The following SLC25A32 variants were observed in gnomAD, a reference collection of about 807,000 sequenced individuals.
The protein encoded by SLC25A32 is solute carrier family 25 member 32.
In SLC25A32, 32 loss-of-function variants were observed where a neutral mutation model predicts 39.0. The ratio of observed to expected loss-of-function variants is 0.82; its 90% CI spans 0.62 to 1.10. The LOEUF is 1.10. Ranked by LOEUF, SLC25A32 falls within the 50% of genes least tolerant of loss-of-function variation. The pLI is 0.00. For synonymous variants in SLC25A32, 166 were observed against 152.4 expected (o/e 1.09, Z -0.66); for missense variants, 367 against 395.3 (o/e 0.93, Z 0.61).
rs1417969171 is a variant in SLC25A32, at chr8:103,407,657, T to C, written c.282A>G (p.Leu94=). The change falls in exon 2 of 7, where the codon TTA becomes TTG. Residue 94 remains leucine, a synonymous_variant. Transcript: ENST00000297578. ...GVTPNIWGAG[L]SWGLYFFFYN... is the part of the protein sequence containing the mutation. ...ACAAGAAAAAGTAGAGTCCCCAGGATAAACCTGCACCCCATATATTTGGGG... is the reference window on the plus strand; with the variant it reads ...ACAAGAAAAAGTAGAGTCCCCAGGACAAACCTGCACCCCATATATTTGGGG... The C allele has an allele frequency of 1.3e-6, 2 of 1,599,872 alleles. No individual in the cohort carries two copies. The highest frequency in any genetic ancestry group is 8.5e-7 in the Non-Finnish European group (1 of 1,171,632).
Position 103,400,506 on chromosome 8 carries a change from T to C in SLC25A32, c.853A>G (p.Asn285Asp), listed in dbSNP as rs1816194665. 2 of 1,614,104 alleles carry C rather than the reference T, an allele frequency of 1.2e-6. No individual in the cohort carries two copies. Reference sequence around the variant, plus strand: ...CAGGCTGGAGTCACTCTAATCAAATTAGGAGCAATTCCCTTGTAAAATCCA... The same window carrying C: ...CAGGCTGGAGTCACTCTAATCAAATCAGGAGCAATTCCCTTGTAAAATCCA... Reference protein sequence around the residue: ...VGGFYKGIAPNLIRVTPACCI... With the variant: ...VGGFYKGIAPDLIRVTPACCI... The change falls in exon 7 of 7, where the codon AAT (asparagine) becomes GAT (aspartate). Residue 285 changes from asparagine (N) to aspartate (D), a missense_variant. Physicochemically the swap from Asn to Asp is conservative, Grantham distance 23. Transcript: ENST00000297578.
intron 1 of SLC25A32, among the ~76,000 whole-genome samples, chr8:103,408,534 C>T (rs1006119826): frequency 1.3e-5 from 2 of 151,386 alleles, no homozygotes; most frequent in Middle Eastern, 3.2e-3. Flanking sequence ...GCTATCAAGA[C>T]TGAGGAGTGG....
At chr8:103,407,441 TAATC>T (rs559185459) in intron 2 of SLC25A32, among the ~76,000 whole-genome samples, 189 bp downstream of exon 2, 21 of 152,320 alleles carry the variant, frequency 1.4e-4, no homozygotes, top group Admixed American at 7.2e-4. Flanking sequence ...AGGCATCTGA[TAATC>T]AAACTAATAA....
intron 2 of SLC25A32, among the ~76,000 whole-genome samples, chr8:103,407,086 T>C (rs913362757): frequency 6.6e-6 from 1 of 152,222 alleles, no homozygotes; most frequent in Admixed American, 6.5e-5. Flanking sequence ...TTCAACTTTT[T>C]CTAATCTAGT....
rs1404926771 is a variant in SLC25A32 at position 103,400,516 on chromosome 8, T to C, written c.843A>G (p.Gly281=). ...TCACTCTAATCAAATTAGGAGCAATTCCCTTGTAAAATCCACCGACGCCTT... is the reference window on the plus strand; with the variant it reads ...TCACTCTAATCAAATTAGGAGCAATCCCCTTGTAAAATCCACCGACGCCTT... The part of the protein sequence containing the change: ...RKEGVGGFYK[G]IAPNLIRVTP... The change falls in exon 7 of 7, where the codon GGA becomes GGG. Residue 281 remains glycine, a synonymous_variant. Coordinates refer to ENST00000297578, the MANE Select transcript of SLC25A32 (RefSeq NM_030780.5). 1.2e-6 allele frequency: 2 copies of C among 1,614,078 alleles called. No individual in the cohort carries two copies. Among genetic ancestry groups the C allele is most frequent in the East Asian group, 4.5e-5 (2 of 44,866 alleles).
chr8:103,401,714 T>C, intron 5 of SLC25A32, 53 bp from the exon 6 acceptor site: 1 of 1,454,908 alleles, frequency 6.9e-7, no homozygotes, highest in Non-Finnish European at 9.3e-7. Flanking sequence ...TCTTTAAAAA[T>C]ACAGAAGTAA....
At chr8:103,406,477 T>C (rs1816335868) in intron 2 of SLC25A32, among the ~76,000 whole-genome samples, 1 of 152,230 alleles carries the variant, frequency 6.6e-6, no homozygotes, top group African/African-American at 2.4e-5. Flanking sequence ...TACAGTGCGA[T>C]GATGGTTTGT....
intron 1 of SLC25A32, among the ~76,000 whole-genome samples, chr8:103,410,150 A>C (rs1456603465): frequency 6.6e-6 from 1 of 152,176 alleles, no homozygotes; most frequent in Non-Finnish European, 1.5e-5. Context: ...AACCATAAAA[A>C]CACTACCTGT....
chr8:103,403,782 C>A (rs1056312111), intron 3 of SLC25A32, among the ~76,000 whole-genome samples: 4 of 152,174 alleles, frequency 2.6e-5, no homozygotes, highest in Non-Finnish European at 5.9e-5. Flanking sequence ...TCTACCCCAA[C>A]TTTATCACAA....
chr8:103,400,853 T>C (rs1392838950), intron 6 of SLC25A32, among the ~76,000 whole-genome samples: 2 of 152,240 alleles, frequency 1.3e-5, no homozygotes, highest in South Asian at 2.1e-4. Flanking sequence ...TGACCTAATG[T>C]AGGCATTAAA....
intron 4 of SLC25A32, 104 bp downstream of exon 4, chr8:103,403,060 T>A (rs916188963): frequency 4.3e-6 from 3 of 689,740 alleles, no homozygotes; most frequent in Non-Finnish European, 6.7e-6. Context: ...TGCCTAAGTG[T>A]GGCTTCTTTT....
rs1424001990 is a variant in SLC25A32, at chr8:103,399,833, A to C, written c.*578T>G. ...GGCAGGAGAATGGCGTGAACCCGGGAGGTGGAGGTTGCAGTGAGCTGAGAT... is the reference window on the plus strand; with the variant it reads ...GGCAGGAGAATGGCGTGAACCCGGGCGGTGGAGGTTGCAGTGAGCTGAGAT... On this transcript the variant is annotated 3_prime_UTR_variant, in exon 7 of 7. Coordinates refer to ENST00000297578, the MANE Select transcript of SLC25A32 (RefSeq NM_030780.5). The C allele has an allele frequency of 1.3e-5, 2 of 152,334 alleles. No individual in the cohort carries two copies. The highest frequency in any genetic ancestry group is 4.8e-5 in the African/African-American group (2 of 41,444). The allele number at this position is 152,334 out of a possible 1,614,324, so 9.4% of individuals were successfully genotyped here.
intron 1 of SLC25A32, among the ~76,000 whole-genome samples, chr8:103,411,490 C>A (rs145405397): frequency 3.2e-4 from 48 of 151,968 alleles, no homozygotes; most frequent in Non-Finnish European, 5.7e-4. Context: ...TTACTGCAAG[C>A]GCTCTAATTA....
intron 1 of SLC25A32, among the ~76,000 whole-genome samples, chr8:103,408,806 T>C (rs1816397259): frequency 6.6e-6 from 1 of 152,188 alleles, no homozygotes; most frequent in African/African-American, 2.4e-5. Context: ...CTCCTTCCCA[T>C]CCCTTTTTAT....
rs200441736 is a variant in SLC25A32 at position 103,407,773 on chromosome 8, A to T, written c.166T>A (p.Leu56Met). The T allele has an allele frequency of 5.6e-6, 9 of 1,613,086 alleles. No individual in the cohort carries two copies. In the African/African-American group the frequency reaches 1.2e-4, roughly 22 times the overall value. ...CCATTATATTTCGGTCTCAGTTCCAATCCATCACTCACTGCATCAAGGGAT... is the reference window on the plus strand; with the variant it reads ...CCATTATATTTCGGTCTCAGTTCCATTCCATCACTCACTGCATCAAGGGAT... The part of the protein sequence containing the change: ...VKIRFAVSDG[L>M]ELRPKYNGIL... Residue 56 changes from leucine to methionine, a missense_variant, in exon 2 of 7, where the codon TTG (leucine) becomes ATG (methionine). Leu to Met is a conservative substitution (Grantham distance 15). Coordinates refer to ENST00000297578, the MANE Select transcript of SLC25A32 (RefSeq NM_030780.5).
chr8:103,404,976 C>G, intron 2 of SLC25A32, 115 bp from the exon 3 acceptor site: 1 of 555,628 alleles, frequency 1.8e-6, no homozygotes, highest in Non-Finnish European at 3.1e-6. Context: ...ATAATGCAAC[C>G]ACAAAATGAG....
At position 103,399,515 on chromosome 8, in the gene SLC25A32, A is replaced by G. The variant is rs1431737051; in HGVS notation, c.*896T>C. 2 of 152,238 alleles carry G rather than the reference A, an allele frequency of 1.3e-5. No individual in the cohort carries two copies. Among genetic ancestry groups the G allele is most frequent in the Admixed American group, 6.5e-5 (1 of 15,286 alleles). 9.4% of individuals were successfully genotyped at this position (152,238 alleles called of 1,614,324 possible). On this transcript the variant is annotated 3_prime_UTR_variant, in exon 7 of 7. Coordinates refer to ENST00000297578, the MANE Select transcript of SLC25A32 (RefSeq NM_030780.5). The stretch of plus-strand genomic sequence containing the variant: ...TGTCAGATATTTCTCTGAGAAGTAT[A>G]TAGTTTCTCAATTTTCGCTAGGTAG...
In SLC25A32 at chr8:103,399,578, G is replaced by C. The variant is rs1299986133; in HGVS notation, c.*833C>G. On this transcript the variant is annotated 3_prime_UTR_variant, in exon 7 of 7. Transcript: ENST00000297578. ...GAATTAAAACTAAAGCATATTTACAGTGCATTTTTTCTCACTAAAATTTCC... is the reference window on the plus strand; with the variant it reads ...GAATTAAAACTAAAGCATATTTACACTGCATTTTTTCTCACTAAAATTTCC... The C allele has an allele frequency of 6.6e-6, 1 of 152,190 alleles. No individual in the cohort carries two copies. The highest frequency in any genetic ancestry group is 1.5e-5 in the Non-Finnish European group (1 of 68,042). 9.4% of individuals were successfully genotyped at this position (152,190 alleles called of 1,614,324 possible). A position where few individuals can be genotyped will look rare whatever the true frequency, so the allele number is the denominator to read the frequency against.
At chr8:103,401,882 T>G (rs893371416) in intron 5 of SLC25A32, 59 bp downstream of exon 5, 51 of 1,402,910 alleles carry the variant, frequency 3.6e-5, no homozygotes, top group Non-Finnish European at 4.7e-5. Context: ...TGACAAAAAT[T>G]TCTACCTATT....
Sources: gnomAD v4.1 joint callset for allele counts (sites outside exome capture counted in the v4.1 genomes callset) on GRCh38, gnomAD v4.1.1 for gene constraint, MANE v1.5 for transcripts, NCBI Gene and HGNC (gene_info 2026-07-23, HGNC 2026-07-21) for gene names.